Variants in THAP9 observed in about 807,000 individuals in gnomAD.
THAP9 encodes the protein DNA transposase THAP9.
A neutral mutation model predicts 35.7 loss-of-function variants in THAP9; 20 were observed. The ratio of observed to expected loss-of-function variants is 0.56; its 90% CI spans 0.39 to 0.81. The LOEUF is 0.81. Among genes scored for constraint, THAP9 ranks in the 40% least tolerant of loss-of-function variants. The pLI is 0.00. For missense variants in THAP9, 870 were observed against 1,047.4 expected (o/e 0.83, Z 2.34); for synonymous variants, 335 against 373.7 (o/e 0.90, Z 1.19).
At chr4:82,914,370 A>G (rs1430163494) in intron 4 of THAP9, among the ~76,000 whole-genome samples, 1 of 152,188 alleles carries the variant, frequency 6.6e-6, no homozygotes, top group Non-Finnish European at 1.5e-5. Context: ...GGATAAAATC[A>G]TAGTTCGCTT....
intron 4 of THAP9, among the ~76,000 whole-genome samples, chr4:82,908,767 T>G (rs1193331642): frequency 6.6e-6 from 1 of 152,108 alleles, no homozygotes; most frequent in Admixed American, 6.5e-5. Context: ...GCTACTATTT[T>G]GTATTTTTAG....
At chr4:82,902,127 G>A (rs1262711177) in intron 1 of THAP9, among the ~76,000 whole-genome samples, 5 of 10,198 alleles carry the variant, frequency 4.9e-4, no homozygotes, top group African/African-American at 3.4e-3. Flanking sequence ...TTTTTTTTTG[G>A]AGACGGGGTC....
At chr4:82,901,999 G>A (rs910185475) in intron 1 of THAP9, among the ~76,000 whole-genome samples, 1 of 151,594 alleles carries the variant, frequency 6.6e-6, no homozygotes, top group Non-Finnish European at 1.5e-5. Context: ...CATATGTAAC[G>A]CACAAGGTAA....
intron 3 of THAP9, among the ~76,000 whole-genome samples, chr4:82,907,240 A>T (rs1401113648): frequency 6.6e-6 from 1 of 152,152 alleles, no homozygotes; most frequent in Non-Finnish European, 1.5e-5. Context: ...AGGAAAAGAG[A>T]AATGTGTCCT....
chr4:82,915,140 C>A (rs777973167), intron 4 of THAP9, among the ~76,000 whole-genome samples: 3 of 152,068 alleles, frequency 2.0e-5, no homozygotes, highest in Non-Finnish European at 4.4e-5. Context: ...TTCCGGTTTG[C>A]CCTATTTTAA....
At chr4:82,915,900 C>CTG (rs145061552) in intron 4 of THAP9, among the ~76,000 whole-genome samples, 10 of 151,830 alleles carry the variant, frequency 6.6e-5, no homozygotes, top group South Asian at 2.1e-4. Flanking sequence ...GAAGTCAACT[C>CTG]TGTGTGTGTG....
intron 4 of THAP9, chr4:82,910,745 A>T: frequency 2.0e-6 from 1 of 488,928 alleles, no homozygotes; most frequent in South Asian, 1.6e-5. Flanking sequence ...GATGGCCTGG[A>T]AGCCAAGTGT....
At chr4:82,902,260 C>T (rs542822590) in intron 1 of THAP9, among the ~76,000 whole-genome samples, 9 of 150,396 alleles carry the variant, frequency 6.0e-5, no homozygotes, top group East Asian at 5.8e-4. Flanking sequence ...ACCACCATCC[C>T]GGCTTTTTTT....
At chr4:82,905,754 G>A in intron 2 of THAP9, 2 of 399,184 alleles carry the variant, frequency 5.0e-6, no homozygotes, top group Non-Finnish European at 9.9e-6. Context: ...AATAATGGCT[G>A]CCATGTGTTG....
At chr4:82,909,740 A>C (rs1720798266) in intron 4 of THAP9, among the ~76,000 whole-genome samples, 1 of 152,132 alleles carries the variant, frequency 6.6e-6, no homozygotes, top group Admixed American at 6.5e-5. Context: ...TTCAAGCTAG[A>C]TATTATACTT....
chr4:82,905,163 G>T (rs1720594470), intron 2 of THAP9, among the ~76,000 whole-genome samples: 1 of 151,980 alleles, frequency 6.6e-6, no homozygotes, highest in Non-Finnish European at 1.5e-5. Context: ...ATATATAAAG[G>T]TTACTAACCA....
In THAP9 at chr4:82,901,529, A is replaced by G. The variant is rs536937025; in HGVS notation, c.80+647A>G. Among the ~76,000 whole-genome samples, 6 of 152,238 alleles carry G rather than the reference A, an allele frequency of 3.9e-5. No individual in the cohort carries two copies. In the South Asian group the frequency reaches 1.2e-3, roughly 32 times the overall value. Reference sequence around the variant, plus strand: ...GCAGATTTATGGAAAGATCAAAAAGAACTTTATGGTTGGAAAGGGGGGGTA... The same window carrying G: ...GCAGATTTATGGAAAGATCAAAAAGGACTTTATGGTTGGAAAGGGGGGGTA... On this transcript the variant is annotated intron_variant, in intron 1 of 4. Transcript: ENST00000302236.
chr4:82,900,970 T>C (rs1720320571), intron 1 of THAP9, 88 bp downstream of exon 1: 17 of 1,481,576 alleles, frequency 1.1e-5, no homozygotes, highest in Non-Finnish European at 1.5e-5. Context: ...CGGGCCGCAC[T>C]GTGGGTCGCG....
chr4:82,914,473 T>G (rs1720975310), intron 4 of THAP9, among the ~76,000 whole-genome samples: 1 of 152,222 alleles, frequency 6.6e-6, no homozygotes, highest in African/African-American at 2.4e-5. Flanking sequence ...TCTCCGCAAT[T>G]TTGCCAGCAT....
At chr4:82,910,964 T>C (rs1179229843) in intron 4 of THAP9, among the ~76,000 whole-genome samples, 1 of 152,102 alleles carries the variant, frequency 6.6e-6, no homozygotes, top group Admixed American at 6.5e-5. Context: ...AGAAAATGAT[T>C]GTGGGCTCTT....
rs377688039 is a variant in THAP9 at position 82,918,386 on chromosome 4, A to G, written c.2174A>G (p.Lys725Arg). 1 of 1,614,088 alleles carries G rather than the reference A, an allele frequency of 6.2e-7. No homozygotes were observed. The highest frequency in any genetic ancestry group is 1.3e-5 in the African/African-American group (1 of 74,954). ...LICYAGYVAN[K>R]LSALLTCEDC... ...TGTTATGCTGGTTATGTTGCAAACA[A>G]GTTATCAGCTCTTTTAACTTGTGAG... Residue 725 changes from lysine to arginine, a missense_variant, in exon 5 of 5, where the codon AAG becomes AGG. Physicochemically the swap from Lys to Arg is conservative, Grantham distance 26. Around this residue, in one of 3 missense-constraint regions of THAP9, gnomAD observed 414 missense variants for 500.8 expected, o/e 0.83. Transcript: ENST00000302236.
rs1247148129 is a variant in THAP9 at position 82,917,027 on chromosome 4, A to G, written c.815A>G (p.Gln272Arg). The change falls in exon 5 of 5, where the codon CAG (glutamine) becomes CGG (arginine). Residue 272 changes from glutamine to arginine, a missense_variant. Coordinates refer to ENST00000302236, the MANE Select transcript of THAP9 (RefSeq NM_024672.6). ...CAACGAAGAGTAGAGAATGGAGATCAGCTCTATCAATACTGTTCATTGTTA... is the reference window on the plus strand; with the variant it reads ...CAACGAAGAGTAGAGAATGGAGATCGGCTCTATCAATACTGTTCATTGTTA... Reference protein sequence around the residue: ...FLQRRVENGDQLYQYCSLLIK... With the variant: ...FLQRRVENGDRLYQYCSLLIK... The G allele has an allele frequency of 5.6e-6, 9 of 1,597,914 alleles. No homozygotes were observed. The Middle Eastern group carries it at 6.7e-4, about 120-fold the overall frequency.
intron 2 of THAP9, chr4:82,905,947 C>T (rs914413390): frequency 1.1e-5 from 5 of 456,632 alleles, no homozygotes; most frequent in African/African-American, 1.0e-4. Context: ...ATTCCAAAGC[C>T]ATGCACTGTC....
rs35532215 is a variant in THAP9, at chr4:82,918,709, G to A, written c.2497G>A (p.Val833Ile). 3.3e-3 allele frequency: 5,368 copies of A among 1,613,912 alleles called. 134 individuals are homozygous for A. In the African/African-American group the frequency reaches 0.055, roughly 17 times the overall value. ...AGAAGTGTGTGCCATCAATCACTTT[G>A]TCAAGTTGCTAAAGGATATAATAAT... ...DGEVCAINHF[V>I]KLLKDIIICF... The change falls in exon 5 of 5, where the codon GTC becomes ATC. Residue 833 changes from valine to isoleucine, a missense_variant. By Grantham distance (29) the Val-to-Ile change is conservative (BLOSUM62 3). Coordinates refer to ENST00000302236, the MANE Select transcript of THAP9 (RefSeq NM_024672.6).
Sources: gnomAD v4.1 joint callset for allele counts (sites outside exome capture counted in the v4.1 genomes callset) on GRCh38, gnomAD v4.1.1 for gene constraint, gnomAD v4.1.1 regional missense constraint, MANE v1.5 for transcripts, NCBI Gene and HGNC (gene_info 2026-07-23, HGNC 2026-07-21) for gene names.